Variants in CHST9 observed in about 807,000 individuals in gnomAD.
The protein encoded by CHST9 is GalNAc-4-sulfotransferase 2.
In CHST9, 41 loss-of-function variants were observed where a neutral mutation model predicts 44.4. The observed-to-expected ratio is 0.92, with a 90% CI of 0.72 to 1.20. The LOEUF (loss-of-function observed/expected upper bound fraction) is 1.20. CHST9 is among the 50% of genes most tolerant of loss of function. CHST9 has a pLI of 0.00. For missense variants in CHST9, 504 were observed against 516.5 expected, an observed-to-expected ratio of 0.98 and a Z score of 0.23; for synonymous variants, 171 against 178.4, an observed-to-expected ratio of 0.96 and a Z score of 0.33.
At chr18:27,025,301 T>A (rs530953755) in intron 3 of CHST9, among the ~76,000 whole-genome samples, 2 of 151,798 alleles carry the variant, frequency 1.3e-5, no homozygotes, top group Admixed American at 1.3e-4. Flanking sequence ...GAATGAGTAC[T>A]AAAGGATGGT....
chr18:26,932,373 A>G (rs938826483), intron 5 of CHST9, among the ~76,000 whole-genome samples: 4 of 152,056 alleles, frequency 2.6e-5, no homozygotes, highest in Admixed American at 2.6e-4. Context: ...CCTCCACACT[A>G]CTGTTAGAAA....
intron 2 of CHST9, among the ~76,000 whole-genome samples, chr18:27,072,897 G>A (rs1468669014): frequency 6.6e-6 from 1 of 152,090 alleles, no homozygotes; most frequent in Middle Eastern, 3.2e-3. Flanking sequence ...AAGTATGGGG[G>A]ACAAGCCGCA....
intron 2 of CHST9, among the ~76,000 whole-genome samples, chr18:27,096,357 T>C (rs1303322721): frequency 6.6e-6 from 1 of 151,298 alleles, no homozygotes; most frequent in African/African-American, 2.4e-5. Context: ...TGATCTAGTA[T>C]CAAATTTCAA....
chr18:27,022,153 G>T (rs1408594516), intron 4 of CHST9, among the ~76,000 whole-genome samples: 2 of 152,104 alleles, frequency 1.3e-5, no homozygotes, highest in African/African-American at 4.8e-5. Flanking sequence ...AATTTAGAGG[G>T]GTTATGTGAC....
rs9956969 is a variant in CHST9, at chr18:26,970,564, G to A, written c.203-26198C>T. Among the ~76,000 whole-genome samples, 202 of 152,252 alleles carry A rather than the reference G, an allele frequency of 1.3e-3. 1 individual carries two copies. The highest frequency in any genetic ancestry group is 4.6e-3 in the African/African-American group (190 of 41,532). ...CCTCCTCAGCCTCCCAAGTAGCTGG[G>A]ACTACAGTCACATGCCACCACACCT... is the stretch of plus-strand genomic sequence containing the variant. On this transcript the variant is annotated intron_variant, in intron 4 of 5. Transcript: ENST00000618847.
At chr18:27,091,981 C>T (rs893409402) in intron 2 of CHST9, among the ~76,000 whole-genome samples, 2 of 152,114 alleles carry the variant, frequency 1.3e-5, no homozygotes, top group African/African-American at 4.8e-5. Context: ...AGGGAGGATT[C>T]CCTCTTTTTC....
At chr18:26,939,424 C>A (rs555970594) in intron 5 of CHST9, among the ~76,000 whole-genome samples, 1 of 152,300 alleles carries the variant, frequency 6.6e-6, no homozygotes, top group South Asian at 2.1e-4. Context: ...GATCCCAAGG[C>A]TTTGTATTTC....
intron 2 of CHST9, among the ~76,000 whole-genome samples, chr18:27,136,133 T>C (rs907077161): frequency 8.5e-5 from 13 of 152,224 alleles, no homozygotes; most frequent in African/African-American, 2.9e-4. Context: ...CTGATGTACA[T>C]TGAAGTTTGA....
At position 27,100,670 on chromosome 18, in the gene CHST9, C is replaced by T. The variant is rs923019682; in HGVS notation, c.121+42019G>A. On this transcript the variant is annotated intron_variant, in intron 2 of 5. Transcript: ENST00000618847. ...TGTAAATAAAAAATAAGTTAATGTA[C>T]AAAAATGTAAAAATAAAGTTGAACA... 3.9e-5 allele frequency among the ~76,000 whole-genome samples: 6 copies of T among 151,968 alleles called. 1 individual carries two copies. In the South Asian group the frequency reaches 6.2e-4, roughly 16 times the overall value.
At chr18:27,077,580 G>T (rs528535606) in intron 2 of CHST9, among the ~76,000 whole-genome samples, 7 of 152,184 alleles carry the variant, frequency 4.6e-5, no homozygotes, top group Admixed American at 3.9e-4. Flanking sequence ...CCTCTTTCTG[G>T]ATGTGTTTTT....
chr18:27,116,980 A>C (rs2058327639), intron 2 of CHST9, among the ~76,000 whole-genome samples: 1 of 148,576 alleles, frequency 6.7e-6, no homozygotes, highest in Non-Finnish European at 1.5e-5. Flanking sequence ...TGTTAATTCT[A>C]ATTTTTTTTT....
intron 2 of CHST9, among the ~76,000 whole-genome samples, chr18:27,051,782 C>T (rs1252182993): frequency 6.6e-6 from 1 of 152,164 alleles, no homozygotes; most frequent in Non-Finnish European, 1.5e-5. Flanking sequence ...TTGTTTTTAG[C>T]TGCTAAATCC....
At chr18:27,026,085 TA>T (rs2057282220) in intron 3 of CHST9, among the ~76,000 whole-genome samples, 1 of 152,134 alleles carries the variant, frequency 6.6e-6, no homozygotes, top group East Asian at 1.9e-4. Flanking sequence ...GTCATTTCCT[TA>T]AAAAATGTGG....
chr18:27,182,852 T>C (rs946342152), intron 1 of CHST9, among the ~76,000 whole-genome samples: 3 of 152,224 alleles, frequency 2.0e-5, no homozygotes, highest in African/African-American at 7.2e-5. Flanking sequence ...TATGCAATAC[T>C]GATGTGGGAA....
chr18:27,070,498 C>G (rs1031828043), intron 2 of CHST9, among the ~76,000 whole-genome samples: 11 of 152,160 alleles, frequency 7.2e-5, no homozygotes, highest in Admixed American at 7.2e-4. Flanking sequence ...TAGTAAATGT[C>G]AAACCTTTTA....
chr18:26,947,393 A>G (rs1056925632), intron 4 of CHST9, among the ~76,000 whole-genome samples: 7 of 152,214 alleles, frequency 4.6e-5, no homozygotes, highest in African/African-American at 1.4e-4. Flanking sequence ...AAAAAAGCCA[A>G]AATTGACAAA....
intron 5 of CHST9, among the ~76,000 whole-genome samples, chr18:26,920,917 G>A (rs528918573): frequency 4.5e-4 from 68 of 152,236 alleles, no homozygotes; most frequent in South Asian, 2.7e-3. Flanking sequence ...CAAACCTGTC[G>A]AGGGCTTGCC....
At chr18:26,945,610 T>C (rs2056150431) in intron 4 of CHST9, among the ~76,000 whole-genome samples, 1 of 152,244 alleles carries the variant, frequency 6.6e-6, no homozygotes, top group East Asian at 1.9e-4. Context: ...GGTTTCTTTT[T>C]ATTTTTGATA....
At chr18:27,015,883 A>G (rs1198623101) in intron 4 of CHST9, among the ~76,000 whole-genome samples, 1 of 152,218 alleles carries the variant, frequency 6.6e-6, no homozygotes, top group Admixed American at 6.5e-5. Flanking sequence ...AGTCCTGGAT[A>G]TAATTTCAAG....
Sources: allele counts gnomAD v4.1 joint callset (sites outside exome capture counted in the v4.1 genomes callset), GRCh38; gene constraint gnomAD v4.1.1; transcripts MANE v1.5; gene names NCBI Gene and HGNC (gene_info 2026-07-23, HGNC 2026-07-21).